SPAG16: variants seen among roughly 807,000 people sequenced by gnomAD.
SPAG16 encodes sperm associated antigen 16.
SPAG16 carries 86 observed loss-of-function variants against 80.4 expected under a neutral mutation model. The ratio of observed to expected loss-of-function variants is 1.07; its 90% CI spans 0.90 to 1.28. SPAG16 has a LOEUF of 1.28. Among genes scored for constraint, SPAG16 ranks in the 50% most tolerant of loss-of-function variants. The pLI, the probability that SPAG16 is intolerant of heterozygous loss-of-function variation, is 0.00. For synonymous variants in SPAG16, 294 were observed against 265.9 expected, an observed-to-expected ratio of 1.11 and a Z score of -1.03; for missense variants, 870 against 765.3, an observed-to-expected ratio of 1.14 and a Z score of -1.61.
chr2:213,428,637 G>T (rs896494529), intron 9 of SPAG16, among the ~76,000 whole-genome samples: 1 of 152,204 alleles, frequency 6.6e-6, no homozygotes, highest in Non-Finnish European at 1.5e-5. Context: ...CGTGGGTGGA[G>T]CAGAAGGAGA....
chr2:213,364,909 A>G (rs1002640026), intron 8 of SPAG16: 1 of 152,274 alleles, frequency 6.6e-6, no homozygotes, highest in Non-Finnish European at 1.5e-5. Context: ...ACACAGTAAC[A>G]TTCAGCATCC....
At chr2:214,308,650 GT>G (rs1695086908) in intron 15 of SPAG16, among the ~76,000 whole-genome samples, 2 of 151,950 alleles carry the variant, frequency 1.3e-5, no homozygotes, top group South Asian at 4.1e-4. Context: ...ATGAAGCTTA[GT>G]TTGGCCAGAT....
chr2:214,337,367 T>G (rs763141099), intron 15 of SPAG16, among the ~76,000 whole-genome samples: 1 of 152,202 alleles, frequency 6.6e-6, no homozygotes, highest in East Asian at 1.9e-4. Flanking sequence ...TTCTGTCAAA[T>G]GAGACTCAAA....
chr2:213,292,675 A>AAAAC (rs1267095683), intron 1 of SPAG16, among the ~76,000 whole-genome samples: 2 of 125,744 alleles, frequency 1.6e-5, no homozygotes, highest in African/African-American at 2.8e-5. Flanking sequence ...AAAAAAAAAA[A>AAAAC]CAAAAAAAAC....
chr2:213,465,368 AT>A (rs1211447075), intron 9 of SPAG16, among the ~76,000 whole-genome samples: 4 of 152,156 alleles, frequency 2.6e-5, no homozygotes, highest in Non-Finnish European at 5.9e-5. Flanking sequence ...ACTACTGTGT[AT>A]TCTCCTTTAT....
At chr2:214,214,330 C>T (rs575130421) in intron 15 of SPAG16, among the ~76,000 whole-genome samples, 6 of 151,950 alleles carry the variant, frequency 3.9e-5, no homozygotes, top group South Asian at 2.1e-4. Flanking sequence ...CCACCATGCC[C>T]GGCTAATTTT....
At chr2:213,780,886 G>T (rs2069915577) in intron 10 of SPAG16, among the ~76,000 whole-genome samples, 1 of 151,894 alleles carries the variant, frequency 6.6e-6, no homozygotes, top group African/African-American at 2.4e-5. Context: ...GGGTGGTTTG[G>T]TCACAATCAA....
At chr2:213,322,348 AAAAAAAAAC>A (rs1419998410) in intron 5 of SPAG16, among the ~76,000 whole-genome samples, 11 of 109,872 alleles carry the variant, frequency 1.0e-4, no homozygotes, top group African/African-American at 2.0e-4. Flanking sequence ...AAAAAAAAAA[AAAAAAAAAC>A]AAAAAACTCG....
chr2:213,812,796 A>G (rs150020632), intron 10 of SPAG16, among the ~76,000 whole-genome samples: 6 of 152,268 alleles, frequency 3.9e-5, no homozygotes, highest in Non-Finnish European at 7.4e-5. Context: ...ATCTCTAGGA[A>G]ACTGGGACGA....
chr2:213,537,115 G>C (rs1367636201), intron 10 of SPAG16, among the ~76,000 whole-genome samples: 1 of 137,424 alleles, frequency 7.3e-6, no homozygotes, highest in African/African-American at 2.8e-5. Context: ...TGAACAATGA[G>C]AACACATGGA....
chr2:214,347,027 A>C (rs1340626794), intron 15 of SPAG16, among the ~76,000 whole-genome samples: 1 of 152,200 alleles, frequency 6.6e-6, no homozygotes, highest in Non-Finnish European at 1.5e-5. Context: ...AAGTAAGATA[A>C]GTGTTATAAT....
At chr2:213,413,389 G>T (rs577356433) in intron 9 of SPAG16, among the ~76,000 whole-genome samples, 27 of 152,112 alleles carry the variant, frequency 1.8e-4, no homozygotes, top group Non-Finnish European at 3.2e-4. Context: ...AAAGGTCATA[G>T]TTTTATATGT....
intron 12 of SPAG16, among the ~76,000 whole-genome samples, chr2:213,958,739 C>CT (rs947240662): frequency 6.6e-6 from 1 of 151,784 alleles, no homozygotes; most frequent in Non-Finnish European, 1.5e-5. Context: ...AGCTTTTTGA[C>CT]TTTTTTTTAA....
chr2:213,447,605 C>T (rs943546556), intron 9 of SPAG16, among the ~76,000 whole-genome samples: 9 of 152,214 alleles, frequency 5.9e-5, no homozygotes, highest in Non-Finnish European at 1.3e-4. Context: ...TGGTGGAGAA[C>T]ATCGGGCGTT....
At chr2:214,238,238 T>G (rs1449721778) in intron 15 of SPAG16, 1 of 385,074 alleles carries the variant, frequency 2.6e-6, no homozygotes, top group South Asian at 1.9e-5. Context: ...CTGCACAATC[T>G]GAATACATAT....
At chr2:214,043,375 C>G (rs543736383) in intron 13 of SPAG16, among the ~76,000 whole-genome samples, 4 of 152,162 alleles carry the variant, frequency 2.6e-5, no homozygotes, top group Middle Eastern at 3.4e-3. Context: ...TCCATTTAAC[C>G]AAATATCTCA....
intron 15 of SPAG16, among the ~76,000 whole-genome samples, chr2:214,401,887 G>A (rs1240110724): frequency 6.6e-6 from 1 of 151,826 alleles, no homozygotes; most frequent in Admixed American, 6.6e-5. Context: ...AGAGTAATAA[G>A]AAAAATAGAT....
intron 10 of SPAG16, among the ~76,000 whole-genome samples, chr2:213,766,592 A>G (rs2125538575): frequency 6.6e-6 from 1 of 152,314 alleles, no homozygotes. Flanking sequence ...GAAATCTCTG[A>G]CAGCTCAGAT....
At chr2:214,160,372 C>G (rs1053117716) in intron 15 of SPAG16, among the ~76,000 whole-genome samples, 1 of 151,722 alleles carries the variant, frequency 6.6e-6, no homozygotes, top group Non-Finnish European at 1.5e-5. Context: ...TTTTCCTTAT[C>G]CAAATTTGGT....
Sources: allele counts gnomAD v4.1 joint callset (sites outside exome capture counted in the v4.1 genomes callset), GRCh38; gene constraint gnomAD v4.1.1; transcripts MANE v1.5; gene names NCBI Gene and HGNC (gene_info 2026-07-23, HGNC 2026-07-21).